The following SEC61A1 variants were observed in gnomAD, a reference collection of about 807,000 sequenced individuals.
SEC61A1 encodes the protein protein transport protein Sec61 subunit alpha isoform 1.
Under a neutral mutation model 55.2 loss-of-function variants are expected in SEC61A1, and 15 were observed. That is an observed-to-expected ratio of 0.27 (90% CI 0.18 to 0.42). SEC61A1 has a LOEUF of 0.42. SEC61A1 is among the 10% of genes least tolerant of loss of function. SEC61A1 has a pLI of 1.00. For missense variants in SEC61A1, 284 were observed against 602.6 expected, an observed-to-expected ratio of 0.47 and a Z score of 5.53; for synonymous variants, 247 against 234.0, an observed-to-expected ratio of 1.06 and a Z score of -0.51.
At chr3:128,051,755 ATTC>A, upstream of SEC61A1, 1 of 1,500,378 alleles carries the variant, frequency 6.7e-7, no homozygotes, top group Non-Finnish European at 8.9e-7. Context: ...GCCTTCCTGA[ATTC>A]TTCTGTGAGG....
At position 128,069,841 on chromosome 3, in the gene SEC61A1, C is replaced by A; in HGVS notation, c.*179C>A. 1 of 606,868 alleles carries A rather than the reference C, an allele frequency of 1.6e-6. No homozygotes were observed. The highest frequency in any genetic ancestry group is 2.8e-6 in the Non-Finnish European group (1 of 352,646). 37.6% of individuals were successfully genotyped at this position (606,868 alleles called of 1,614,324 possible). ...CCAATTTAAAATTTTGCTTTTTATC[C>A]TGGCACTGGCAAAAAGAACTGTGAA... On this transcript the variant is annotated 3_prime_UTR_variant, in exon 12 of 12. Coordinates refer to ENST00000243253, the MANE Select transcript of SEC61A1 (RefSeq NM_013336.4).
At chr3:128,061,285 T>C (rs995131789) in intron 7 of SEC61A1, among the ~76,000 whole-genome samples, 4 of 152,226 alleles carry the variant, frequency 2.6e-5, no homozygotes, top group Non-Finnish European at 5.9e-5. Context: ...CTGGTAGATG[T>C]GTATCAAACA....
intron 7 of SEC61A1, chr3:128,064,661 A>G (rs1559797213): frequency 1.8e-6 from 1 of 546,366 alleles, no homozygotes; most frequent in Non-Finnish European, 3.2e-6. Context: ...AAAAAAAATC[A>G]AAAACAAACC....
chr3:128,052,931 G>A, intron 2 of SEC61A1, 29 bp downstream of exon 2: 1 of 1,581,062 alleles, frequency 6.3e-7, no homozygotes, highest in Non-Finnish European at 8.7e-7. Context: ...CAACAAAGAA[G>A]GTTTCAGGAA....
At position 128,067,363 on chromosome 3, in the gene SEC61A1, C is replaced by T; in HGVS notation, c.976-58C>T. On this transcript the variant is annotated intron_variant, in intron 9 of 11. Coordinates refer to ENST00000243253, the MANE Select transcript of SEC61A1 (RefSeq NM_013336.4). This position sits in a 1 kb window ranked among gnomAD's most constrained non-coding sequence, Gnocchi z 4.1. ...TTCATCTGCTCAGAACTATTTTTGCCTTGATGCTAAAGTAAAATGAAGGAG... is the reference window on the plus strand; with the variant it reads ...TTCATCTGCTCAGAACTATTTTTGCTTTGATGCTAAAGTAAAATGAAGGAG... The T allele has an allele frequency of 1.3e-6, 2 of 1,542,678 alleles. No individual in the cohort carries two copies. The highest frequency in any genetic ancestry group is 1.9e-5 in the Admixed American group (1 of 51,876).
At chr3:128,057,237 A>C (rs1941786082) in intron 5 of SEC61A1, among the ~76,000 whole-genome samples, 3 of 152,178 alleles carry the variant, frequency 2.0e-5, no homozygotes, top group Admixed American at 2.0e-4. Flanking sequence ...CAGCCCAAAC[A>C]GTATTTTCTT....
At position 128,060,538 on chromosome 3, in the gene SEC61A1, T is replaced by C. The variant is rs540707070; in HGVS notation, c.493T>C (p.Leu165=). The C allele has an allele frequency of 3.5e-5, 57 of 1,614,222 alleles. No individual in the cohort carries two copies. The South Asian group carries it at 4.9e-4, about 14-fold the overall frequency. Residue 165 remains leucine, a synonymous_variant, in exon 7 of 12, where the codon TTG becomes CTG. Transcript: ENST00000243253. The part of the protein sequence containing the change: ...LFVAGLIVLL[L]DELLQKGYGL... ...TGTTGCTGGCTTAATTGTCCTACTT[T>C]TGGATGAACTCCTGCAAAAAGGATA...
Position 128,060,645 on chromosome 3 carries a change from T to C in SEC61A1, c.600T>C (p.Thr200=), listed in dbSNP as rs998892133. 1.9e-6 allele frequency: 3 copies of C among 1,614,204 alleles called. No individual in the cohort carries two copies. The South Asian group carries it at 3.3e-5, about 18-fold the overall frequency. The change falls in exon 7 of 12, where the codon ACT becomes ACC. Residue 200 remains threonine (T), a synonymous_variant. Coordinates refer to ENST00000243253, the MANE Select transcript of SEC61A1 (RefSeq NM_013336.4). ...TATGGAAGGCATTCAGCCCCACTAC[T>C]GTCAACACTGGCCGAGGTAAGGGCC... ...TIVWKAFSPT[T]VNTGRGMEFE...
At chr3:128,061,646 A>G (rs1264677023) in intron 7 of SEC61A1, among the ~76,000 whole-genome samples, 1 of 152,164 alleles carries the variant, frequency 6.6e-6, no homozygotes, top group Non-Finnish European at 1.5e-5. Flanking sequence ...AGCCATAGAG[A>G]AGAGTGGGCA....
chr3:128,056,887 A>G, intron 5 of SEC61A1, 47 bp downstream of exon 5: 1 of 1,379,404 alleles, frequency 7.2e-7, no homozygotes, highest in Middle Eastern at 2.2e-4. Context: ...GGAAAATTTG[A>G]ATTTGCTATA....
chr3:128,055,241 A>G (rs549265065), intron 2 of SEC61A1, among the ~76,000 whole-genome samples: 59 of 152,320 alleles, frequency 3.9e-4, no homozygotes, highest in African/African-American at 1.2e-3. Context: ...CAAATTATTT[A>G]GCTCTTCTAA....
intron 2 of SEC61A1, among the ~76,000 whole-genome samples, 156 bp downstream of exon 2, chr3:128,053,058 C>T (rs1164921087): frequency 6.6e-6 from 1 of 152,186 alleles, no homozygotes; most frequent in African/African-American, 2.4e-5. Context: ...GGAGAGCTGT[C>T]GAAAGGTGAC....
chr3:128,052,355 T>G (rs901824313), upstream of SEC61A1: 3 of 811,054 alleles, frequency 3.7e-6, no homozygotes, highest in Non-Finnish European at 4.6e-6. Context: ...CGGGCGCGCG[T>G]GGCAGGAAGC....
At position 128,069,748 on chromosome 3, in the gene SEC61A1, A is replaced by G. The variant is rs188029607; in HGVS notation, c.*86A>G. The G allele has an allele frequency of 1.1e-5, 12 of 1,068,524 alleles. No homozygotes were observed. In the East Asian group the frequency reaches 2.2e-4, roughly 19 times the overall value. 66.2% of individuals were successfully genotyped at this position (1,068,524 alleles called of 1,614,324 possible). A position where few individuals can be genotyped will look rare whatever the true frequency, so the allele number is the denominator to read the frequency against. ...ATCATGGCGCGTGCTGCTGCGGCATATGGACTTTTAATAATGTTTTTGAAT... is the reference window on the plus strand; with the variant it reads ...ATCATGGCGCGTGCTGCTGCGGCATGTGGACTTTTAATAATGTTTTTGAAT... On this transcript the variant is annotated 3_prime_UTR_variant, in exon 12 of 12. Coordinates refer to ENST00000243253, the MANE Select transcript of SEC61A1 (RefSeq NM_013336.4).
intron 11 of SEC61A1, chr3:128,068,766 G>A (rs1942062422): frequency 6.5e-6 from 1 of 152,778 alleles, no homozygotes; most frequent in South Asian, 2.1e-4. Flanking sequence ...GCACTCTTCA[G>A]TCTGCACAGT....
intron 5 of SEC61A1, among the ~76,000 whole-genome samples, chr3:128,058,632 A>G (rs776687958): frequency 6.6e-5 from 10 of 152,238 alleles, no homozygotes; most frequent in Non-Finnish European, 1.5e-4. Context: ...AGGCCAAGGC[A>G]GGATGATTGC....
At chr3:128,066,362 T>C (rs1345012751) in intron 8 of SEC61A1, among the ~76,000 whole-genome samples, 3 of 152,018 alleles carry the variant, frequency 2.0e-5, no homozygotes, top group Admixed American at 6.6e-5. Context: ...TGTAATGTGA[T>C]AGGCTCTGTC....
chr3:128,061,416 T>C (rs148050200), intron 7 of SEC61A1, among the ~76,000 whole-genome samples: 40 of 152,304 alleles, frequency 2.6e-4, no homozygotes, highest in African/African-American at 9.1e-4. Flanking sequence ...GGAAAGGAAA[T>C]AAACATTTTT....
upstream of SEC61A1, chr3:128,051,792 G>A: frequency 8.5e-6 from 13 of 1,531,762 alleles, no homozygotes; most frequent in African/African-American, 1.4e-5. Context: ...GAGCTGCCCC[G>A]GCCCTTCTCC....
Sources: gnomAD v4.1 joint callset for allele counts (sites outside exome capture counted in the v4.1 genomes callset) on GRCh38, gnomAD v4.1.1 for gene constraint, Gnocchi (gnomAD v3.1) non-coding constraint, MANE v1.5 for transcripts, NCBI Gene and HGNC (gene_info 2026-07-23, HGNC 2026-07-21) for gene names.